RAB3B: variants seen among roughly 807,000 people sequenced by gnomAD.
RAB3B encodes RAB3B, member RAS oncogene family.
RAB3B carries 11 observed loss-of-function variants against 20.5 expected under a neutral mutation model. The observed-to-expected ratio is 0.54, with a 90% CI of 0.34 to 0.89. RAB3B has a LOEUF of 0.89. RAB3B is among the 40% of genes least tolerant of loss of function. The pLI, the probability that RAB3B is intolerant of heterozygous loss-of-function variation, is 0.02. For synonymous variants in RAB3B, 99 were observed against 106.3 expected, an observed-to-expected ratio of 0.93 and a Z score of 0.42; for missense variants, 225 against 280.9, an observed-to-expected ratio of 0.80 and a Z score of 1.42.
intron 2 of RAB3B, among the ~76,000 whole-genome samples, chr1:51,967,724 A>G (rs1381987305): frequency 6.6e-6 from 1 of 150,924 alleles, no homozygotes; most frequent in Non-Finnish European, 1.5e-5. Context: ...AGGTCTCAGT[A>G]TGTTGCTGGT....
intron 1 of RAB3B, among the ~76,000 whole-genome samples, chr1:51,977,479 A>G (rs1225670217): frequency 1.3e-5 from 2 of 152,226 alleles, no homozygotes; most frequent in African/African-American, 4.8e-5. Flanking sequence ...AGCAGTAGAT[A>G]AGTGATAAGA....
intron 2 of RAB3B, among the ~76,000 whole-genome samples, chr1:51,970,551 G>A (rs540220199): frequency 1.3e-5 from 2 of 152,182 alleles, no homozygotes; most frequent in South Asian, 4.2e-4. Flanking sequence ...TCCTATTGTG[G>A]GTGGCCCTGC....
At chr1:51,937,161 C>T (rs116723557) in intron 3 of RAB3B, 133 bp downstream of exon 3, 7,297 of 637,004 alleles carry the variant, frequency 0.011, 288 homozygotes, top group South Asian at 0.087. Flanking sequence ...CTTCTGCTCT[C>T]GTCTGTAAAC....
chr1:51,985,111 C>T (rs1024178543), intron 1 of RAB3B, among the ~76,000 whole-genome samples: 6 of 152,172 alleles, frequency 3.9e-5, no homozygotes, highest in Non-Finnish European at 8.8e-5. Flanking sequence ...GAGCTTGGTA[C>T]AAATAGAAAG....
intron 4 of RAB3B, 108 bp downstream of exon 4, chr1:51,933,210 A>G (rs1242973197): frequency 1.6e-6 from 2 of 1,234,800 alleles, no homozygotes; most frequent in African/African-American, 1.5e-5. Flanking sequence ...ATAATTCACA[A>G]TCACAACACT....
intron 2 of RAB3B, among the ~76,000 whole-genome samples, chr1:51,959,951 G>A (rs1324778000): frequency 6.6e-6 from 1 of 152,144 alleles, no homozygotes; most frequent in East Asian, 1.9e-4. Context: ...GTACACGTGG[G>A]TGGTGCATGG....
Position 51,918,174 on chromosome 1 carries a change from ACT to A in RAB3B, c.*1751_*1752del, listed in dbSNP as rs1300542109. On this transcript the variant is annotated 3_prime_UTR_variant, in exon 5 of 5. Transcript: ENST00000371655. ...GCTTCCACCAGAAGTGGTTTCCCAC[ACT>A]CTCTGGTAGAAACTAAGGTTTCACT... 2.6e-5 allele frequency: 4 copies of A among 152,218 alleles called. No homozygotes were observed. Among genetic ancestry groups the A allele is most frequent in the Admixed American group, 6.5e-5 (1 of 15,288 alleles). The allele number at this position is 152,218 out of a possible 1,614,324, so 9.4% of individuals were successfully genotyped here.
rs964126296 is a variant in RAB3B, at chr1:51,980,770, T to C, written c.1-3653A>G. ...CCGCAAGGACCAAACACCCCCACCC[T>C]GATTTAGACCTGTAGGTGCTGCCCC... On this transcript the variant is annotated intron_variant, in intron 1 of 4. Coordinates refer to ENST00000371655, the MANE Select transcript of RAB3B (RefSeq NM_002867.4). The C allele has an allele frequency of 5.3e-6, 4 of 753,262 alleles. No individual in the cohort carries two copies. The African/African-American group carries it at 6.8e-5, about 13-fold the overall frequency. The allele number at this position is 753,262 out of a possible 1,614,324, so 46.7% of individuals were successfully genotyped here. A position where few individuals can be genotyped will look rare whatever the true frequency, so the allele number is the denominator to read the frequency against.
At chr1:51,927,970 A>G (rs1307457074) in intron 4 of RAB3B, among the ~76,000 whole-genome samples, 1 of 152,192 alleles carries the variant, frequency 6.6e-6, no homozygotes, top group Non-Finnish European at 1.5e-5. Context: ...GCAGAACCCT[A>G]AAAGGTCATG....
intron 3 of RAB3B, 132 bp downstream of exon 3, chr1:51,937,162 G>A (rs904828336): frequency 5.1e-5 from 33 of 641,188 alleles, no homozygotes; most frequent in African/African-American, 2.6e-4. Context: ...TTCTGCTCTC[G>A]TCTGTAAACT....
chr1:51,930,140 A>G (rs550376216), intron 4 of RAB3B, among the ~76,000 whole-genome samples: 1 of 152,350 alleles, frequency 6.6e-6, no homozygotes, highest in African/African-American at 2.4e-5. Context: ...GTCTTCTTCA[A>G]GTGCCTTCCT....
At chr1:51,984,264 A>T (rs1308251295) in intron 1 of RAB3B, among the ~76,000 whole-genome samples, 24 of 9,714 alleles carry the variant, frequency 2.5e-3, no homozygotes, top group East Asian at 5.5e-3. Flanking sequence ...CTCTCTAATT[A>T]AAAAAAAAAA....
At position 51,944,880 on chromosome 1, in the gene RAB3B, G is replaced by A. The variant is rs117000115; in HGVS notation, c.229-7468C>T. On this transcript the variant is annotated intron_variant, in intron 2 of 4. Coordinates refer to ENST00000371655, the MANE Select transcript of RAB3B (RefSeq NM_002867.4). ...ATAAACATAGTTGGATAAAGCAGTA[G>A]CAAGGTTTGAGAGGACTGACTCAAA... Among the ~76,000 whole-genome samples, 180 of 152,378 alleles carry A rather than the reference G, an allele frequency of 1.2e-3. 3 individuals carry two copies. The East Asian group carries it at 0.022, about 18-fold the overall frequency.
chr1:51,933,354 G>A lies in RAB3B; in HGVS notation c.436C>T (p.Pro146Ser), dbSNP rs746274334. Residue 146 changes from proline to serine, a missense_variant, in exon 4 of 5, where the codon CCC (proline) becomes TCC (serine). Physicochemically the swap from Pro to Ser is moderately conservative, Grantham distance 74. Transcript: ENST00000371655. ...GCAAGGAGCTGGCCCTTCTCAGTGG[G>A]AACAACCCTCTCTTCCTCCATGTCA... ...KCDMEEERVVPTEKGQLLAEQ... is the reference protein window; with the variant it reads ...KCDMEEERVVSTEKGQLLAEQ... 8.1e-6 allele frequency: 13 copies of A among 1,613,764 alleles called. No individual in the cohort carries two copies. The highest frequency in any genetic ancestry group is 4.0e-5 in the African/African-American group (3 of 74,782).
At chr1:51,927,715 A>G (rs568030249) in intron 4 of RAB3B, among the ~76,000 whole-genome samples, 2 of 152,292 alleles carry the variant, frequency 1.3e-5, no homozygotes, top group East Asian at 3.9e-4. Context: ...AGGCAGGAAG[A>G]TTGCTTGAGT....
chr1:51,968,933 T>C (rs563575929), intron 2 of RAB3B, among the ~76,000 whole-genome samples: 1 of 152,338 alleles, frequency 6.6e-6, no homozygotes, highest in South Asian at 2.1e-4. Context: ...GTTTGTCCCA[T>C]TGTTTGTCAT....
In RAB3B at chr1:51,914,452, A is replaced by G. The variant is rs1410902940; in HGVS notation, c.*5475T>C. The G allele has an allele frequency of 1.3e-5, 2 of 152,158 alleles. No homozygotes were observed. The highest frequency in any genetic ancestry group is 4.8e-5 in the African/African-American group (2 of 41,446). 9.4% of individuals were successfully genotyped at this position (152,158 alleles called of 1,614,324 possible). A position where few individuals can be genotyped will look rare whatever the true frequency, so the allele number is the denominator to read the frequency against. ...ACTTTGTAATTATATTTGGGTGATG[A>G]TTTGACAATGTCTATACTAAATCAT... is the stretch of plus-strand genomic sequence containing the variant. On this transcript the variant is annotated 3_prime_UTR_variant, in exon 5 of 5. Transcript: ENST00000371655.
intron 3 of RAB3B, among the ~76,000 whole-genome samples, chr1:51,936,986 G>T (rs1416481692): frequency 1.3e-5 from 2 of 151,958 alleles, no homozygotes; most frequent in Non-Finnish European, 2.9e-5. Flanking sequence ...GCTAATTTTT[G>T]TATTTTTAGT....
intron 3 of RAB3B, among the ~76,000 whole-genome samples, chr1:51,936,352 G>A (rs1684403338): frequency 6.6e-6 from 1 of 152,186 alleles, no homozygotes; most frequent in Admixed American, 6.5e-5. Flanking sequence ...GATTTCCATT[G>A]CATATTGAGC....
Sources: gnomAD v4.1 joint callset for allele counts (sites outside exome capture counted in the v4.1 genomes callset) on GRCh38, gnomAD v4.1.1 for gene constraint, MANE v1.5 for transcripts, NCBI Gene and HGNC (gene_info 2026-07-23, HGNC 2026-07-21) for gene names.